The following CHD8 variants were observed in gnomAD, a reference collection of about 807,000 sequenced individuals.
CHD8 encodes the protein ATP-dependent chromatin remodeler CHD8.
A neutral mutation model predicts 279.2 loss-of-function variants in CHD8; 31 were observed. The ratio of observed to expected loss-of-function variants is 0.11; its 90% CI spans 0.08 to 0.15. CHD8 has a LOEUF of 0.15. Ranked by LOEUF, CHD8 falls within the 10% of genes least tolerant of loss-of-function variation. The pLI is 1.00. For synonymous variants in CHD8, 1,081 were observed against 1,139.6 expected (o/e 0.95, Z 1.04); for missense variants, 2,146 against 3,230.5 (o/e 0.66, Z 8.14).
At chr14:21,390,548 G>C (rs558390369) in intron 37 of CHD8, among the ~76,000 whole-genome samples, 1 of 152,322 alleles carries the variant, frequency 6.6e-6, no homozygotes, top group South Asian at 2.1e-4. Context: ...GGGAGGCCGA[G>C]GCGGGTGGAT....
In CHD8 at chr14:21,431,266, C is replaced by T. The variant is rs1889551452; in HGVS notation, c.378G>A (p.Gln126=). 1.3e-6 allele frequency: 2 copies of T among 1,591,490 alleles called. No individual in the cohort carries two copies. Among genetic ancestry groups the T allele is most frequent in the Non-Finnish European group, 1.7e-6 (2 of 1,176,062 alleles). ...AAGGATTCCCTTGGCTCAGGATCTC[C>T]TGGCTCTTGGAGACTTGCAAAAGTC... ...TSGLLQVSKS[Q]EILSQGNPFM... Residue 126 remains glutamine (Q), a synonymous_variant, in exon 2 of 38, where the codon CAG becomes CAA. Coordinates refer to ENST00000646647, the MANE Select transcript of CHD8 (RefSeq NM_001170629.2).
intron 8 of CHD8, 32 bp from the exon 9 acceptor site, chr14:21,414,450 C>T: frequency 8.4e-7 from 1 of 1,196,506 alleles, no homozygotes; most frequent in Non-Finnish European, 1.2e-6. Flanking sequence ...AGTCATGGTG[C>T]AAGTAAAAGA....
chr14:21,434,619 G>A (rs949129046), intron 1 of CHD8, among the ~76,000 whole-genome samples: 6 of 151,454 alleles, frequency 4.0e-5, no homozygotes, highest in Non-Finnish European at 8.8e-5. Context: ...CCCAATTTTC[G>A]AACCAAATTT....
Position 21,400,099 on chromosome 14 carries a change from A to G in CHD8, c.4728-29T>C, listed in dbSNP as rs745410600. On this transcript the variant is annotated intron_variant, in intron 24 of 37. Transcript: ENST00000646647. This position sits in a 1 kb window ranked among gnomAD's most constrained non-coding sequence, Gnocchi z 4.2. ...GAAAGGACAGAGGAAGAGCTGGCTC[A>G]GTAACACTGTAGAAGTTTGAGGTGG... 12 of 1,613,028 alleles carry G rather than the reference A, an allele frequency of 7.4e-6. No individual in the cohort carries two copies. Among genetic ancestry groups the G allele is most frequent in the African/African-American group, 1.3e-5 (1 of 74,888 alleles).
At position 21,385,445 on chromosome 14, in the gene CHD8, C is replaced by G; in HGVS notation, c.*168G>C. 8.8e-7 allele frequency: 1 copy of G among 1,135,314 alleles called. No individual in the cohort carries two copies. Among genetic ancestry groups the G allele is most frequent in the Non-Finnish European group, 1.2e-6 (1 of 831,178 alleles). The allele number at this position is 1,135,314 out of a possible 1,614,324, so 70.3% of individuals were successfully genotyped here. A position where few individuals can be genotyped will look rare whatever the true frequency, so the allele number is the denominator to read the frequency against. On this transcript the variant is annotated 3_prime_UTR_variant, in exon 38 of 38. Coordinates refer to ENST00000646647, the MANE Select transcript of CHD8 (RefSeq NM_001170629.2). ...GGAGTTCCCCTGCCCACCCAATCCT[C>G]TCATAATTGGGAGCAATCAGGTACA... is the stretch of plus-strand genomic sequence containing the variant.
Position 21,403,624 on chromosome 14 carries a change from C to A in CHD8, c.3347G>T (p.Cys1116Phe), listed in dbSNP as rs1204961490. 1.2e-6 allele frequency: 2 copies of A among 1,605,858 alleles called. No homozygotes were observed. Among genetic ancestry groups the A allele is most frequent in the Non-Finnish European group, 1.7e-6 (2 of 1,175,790 alleles). ...GTGAAAGTCATGAGGTATAATATGG[C>A]AAGCTTCACGGAATTCTGTTAGGAT... is the stretch of plus-strand genomic sequence containing the variant. ...EKILTEFREA[C>F]HIIPHDFHLQ... is the part of the protein sequence containing the mutation. Residue 1116 changes from cysteine (C) to phenylalanine (F), a missense_variant, in exon 17 of 38, where the codon TGC becomes TTC. Coordinates refer to ENST00000646647, the MANE Select transcript of CHD8 (RefSeq NM_001170629.2). The surrounding 1 kb of genome is among the most constrained non-coding windows in gnomAD (Gnocchi z 4.3).
intron 1 of CHD8, among the ~76,000 whole-genome samples, chr14:21,454,376 G>T (rs576351640): frequency 6.6e-6 from 1 of 152,232 alleles, no homozygotes; most frequent in African/African-American, 2.4e-5. Flanking sequence ...GGAATGCAGG[G>T]GCACGATCTT....
At chr14:21,412,411 T>C (rs1566430893) in intron 10 of CHD8, among the ~76,000 whole-genome samples, 2 of 152,174 alleles carry the variant, frequency 1.3e-5, no homozygotes, top group Non-Finnish European at 2.9e-5. Flanking sequence ...CCCAAAGTGC[T>C]GGGATTACAG....
chr14:21,399,763 C>T (rs1021164752), intron 25 of CHD8, 58 bp from the exon 26 acceptor site: 1 of 1,237,626 alleles, frequency 8.1e-7, no homozygotes, highest in South Asian at 1.2e-5. Context: ...AGTGAGAATC[C>T]TTGCAAAGGT....
intron 21 of CHD8, 133 bp from the exon 22 acceptor site, chr14:21,401,204 A>G (rs1270770998): frequency 1.1e-6 from 1 of 911,256 alleles, no homozygotes; most frequent in East Asian, 2.7e-5. Context: ...TGACATGTAA[A>G]ATAATCTACA....
intron 11 of CHD8, 108 bp downstream of exon 11, chr14:21,409,743 T>C: frequency 9.9e-7 from 1 of 1,009,120 alleles, no homozygotes; most frequent in South Asian, 1.7e-5. Flanking sequence ...GATTTTTATA[T>C]GTTTGAAATT....
Position 21,393,435 on chromosome 14 carries a change from GA to G in CHD8, c.6319+40del, listed in dbSNP as rs768830193. 6.5e-5 allele frequency: 99 copies of G among 1,513,658 alleles called. 2 individuals carry two copies. The African/African-American group carries it at 1.3e-3, about 20-fold the overall frequency. 93.8% of individuals were successfully genotyped at this position (1,513,658 alleles called of 1,614,324 possible). A position where few individuals can be genotyped will look rare whatever the true frequency, so the allele number is the denominator to read the frequency against. On this transcript the variant is annotated intron_variant, in intron 32 of 37. Transcript: ENST00000646647. Reference sequence around the variant, plus strand: ...AGAAAAGGGAAAGAGAAGAGAGGGGGAAATAGGGAAGGGGGCCAACAGCCTG... The same window carrying G: ...AGAAAAGGGAAAGAGAAGAGAGGGGGAATAGGGAAGGGGGCCAACAGCCTG...
intron 16 of CHD8, chr14:21,404,962 G>C (rs1379020965): frequency 4.1e-6 from 2 of 486,576 alleles, no homozygotes; most frequent in Non-Finnish European, 7.3e-6. Context: ...CTCCAAAGTA[G>C]CTAGAACCAC....
rs745847439 is a variant in CHD8 at position 21,442,389 on chromosome 14, C to T, written c.-215-10531G>A. ...CTGAGGCAGGAGGATTGCCTGAGCC[C>T]GGGAAGTTGAGGTTGCAGTGAGTCA... On this transcript the variant is annotated intron_variant, in intron 1 of 37. Transcript: ENST00000646647. Among the ~76,000 whole-genome samples the T allele has an allele frequency of 4.0e-4, 61 of 151,950 alleles. 2 individuals are homozygous for T. Among genetic ancestry groups the T allele is most frequent in the Middle Eastern group, 3.4e-3 (1 of 294 alleles).
intron 34 of CHD8, 74 bp from the exon 35 acceptor site, chr14:21,392,020 A>G: frequency 9.3e-7 from 1 of 1,079,340 alleles, no homozygotes; most frequent in Non-Finnish European, 1.4e-6. Flanking sequence ...GCTTTGAGGG[A>G]TGTGGGCTAT....
At position 21,393,784 on chromosome 14, in the gene CHD8, G is replaced by A; in HGVS notation, c.6011C>T (p.Pro2004Leu). 6.2e-7 allele frequency: 1 copy of A among 1,613,986 alleles called. No homozygotes were observed. The highest frequency in any genetic ancestry group is 8.5e-7 in the Non-Finnish European group (1 of 1,179,874). Reference sequence around the variant, plus strand: ...TGTCTCCTCGGGTGACTTTTCAACAGGAGCATCTGGGCGCAGGGGCAGTGG... The same window carrying A: ...TGTCTCCTCGGGTGACTTTTCAACAAGAGCATCTGGGCGCAGGGGCAGTGG... The part of the protein sequence containing the change: ...ASPLPLRPDA[P>L]VEKSPEETAT... Residue 2004 changes from proline to leucine, a missense_variant, in exon 32 of 38, where the codon CCT (proline) becomes CTT (leucine). Around this residue, in one of 26 missense-constraint regions of CHD8, gnomAD observed 513 missense variants for 637.6 expected, o/e 0.80. Transcript: ENST00000646647.
At chr14:21,440,318 T>G (rs1192459431) in intron 1 of CHD8, among the ~76,000 whole-genome samples, 1 of 152,090 alleles carries the variant, frequency 6.6e-6, no homozygotes, top group Non-Finnish European at 1.5e-5. Context: ...GTGATTCTCC[T>G]GCCTCAGCCT....
chr14:21,395,688 C>G (rs1365093846), intron 28 of CHD8, 129 bp downstream of exon 28: 2 of 686,774 alleles, frequency 2.9e-6, no homozygotes, highest in East Asian at 2.6e-5. Flanking sequence ...TTTCTATTCT[C>G]AAATGGTATA....
At chr14:21,391,130 T>C in intron 36 of CHD8, 67 bp from the exon 37 acceptor site, 1 of 1,023,006 alleles carries the variant, frequency 9.8e-7, no homozygotes, top group South Asian at 1.4e-5. Context: ...ATTAAAGTAC[T>C]AGTGTCTTTT....
Sources: gnomAD v4.1 joint callset for allele counts (sites outside exome capture counted in the v4.1 genomes callset) on GRCh38, gnomAD v4.1.1 for gene constraint, gnomAD v4.1.1 regional missense constraint, Gnocchi (gnomAD v3.1) non-coding constraint, MANE v1.5 for transcripts, NCBI Gene and HGNC (gene_info 2026-07-23, HGNC 2026-07-21) for gene names.